SMARCD3: variants seen among roughly 807,000 people sequenced by gnomAD.
The protein encoded by SMARCD3 is SWI/SNF-related matrix-associated actin-dependent regulator of chromatin subfamily D member 3.
Under a neutral mutation model 58.0 loss-of-function variants are expected in SMARCD3, and 14 were observed. The ratio of observed to expected loss-of-function variants is 0.24; its 90% CI spans 0.16 to 0.38. SMARCD3 has a LOEUF of 0.38. Among genes scored for constraint, SMARCD3 ranks in the 10% least tolerant of loss-of-function variants. The pLI is 1.00. For synonymous variants in SMARCD3, 253 were observed against 253.8 expected (o/e 1.00, Z 0.03); for missense variants, 408 against 636.9 (o/e 0.64, Z 3.87).
chr7:151,244,488 C>CGT (rs1317697694), intron 2 of SMARCD3, among the ~76,000 whole-genome samples: 1 of 152,102 alleles, frequency 6.6e-6, no homozygotes, highest in African/African-American at 2.4e-5. Flanking sequence ...ATACTGCCCC[C>CGT]GTGTGGTGTT....
chr7:151,241,384 T>C lies in SMARCD3; in HGVS notation c.939+108A>G. The C allele has an allele frequency of 1.1e-6, 1 of 932,886 alleles. No individual in the cohort carries two copies. Among genetic ancestry groups the C allele is most frequent in the Non-Finnish European group, 1.7e-6 (1 of 586,486 alleles). 57.8% of individuals were successfully genotyped at this position (932,886 alleles called of 1,614,324 possible). A position where few individuals can be genotyped will look rare whatever the true frequency, so the allele number is the denominator to read the frequency against. On this transcript the variant is annotated intron_variant, in intron 8 of 12. Coordinates refer to ENST00000262188, the MANE Select transcript of SMARCD3 (RefSeq NM_001003801.2). The surrounding 1 kb of genome is among the most constrained non-coding windows in gnomAD (Gnocchi z 5.3). Reference sequence around the variant, plus strand: ...GACCATGACTGTGTACTGCTTCTGCTACTCAGGAATCTAGAAGGGAGGGGT... The same window carrying C: ...GACCATGACTGTGTACTGCTTCTGCCACTCAGGAATCTAGAAGGGAGGGGT...
At chr7:151,252,138 G>A (rs1191087718), upstream of SMARCD3, among the ~76,000 whole-genome samples, 2 of 152,094 alleles carry the variant, frequency 1.3e-5, no homozygotes, top group African/African-American at 4.8e-5. Context: ...CCGCAGTCCC[G>A]CCCTCCTGCC....
intron 2 of SMARCD3, among the ~76,000 whole-genome samples, chr7:151,262,341 C>CA (rs955731454): frequency 6.6e-6 from 1 of 152,182 alleles, no homozygotes; most frequent in Admixed American, 6.5e-5. Flanking sequence ...CTTGGCCACT[C>CA]AGAGTGTTGG....
chr7:151,256,597 C>T (rs1028638274), intron 2 of SMARCD3, among the ~76,000 whole-genome samples: 10 of 152,128 alleles, frequency 6.6e-5, no homozygotes, highest in African/African-American at 1.7e-4. Context: ...ATTGTGGATT[C>T]GGCACGAGCT....
chr7:151,259,614 T>TTTGTTGTTTG (rs1554490156), intron 2 of SMARCD3, among the ~76,000 whole-genome samples: 2 of 118,232 alleles, frequency 1.7e-5, no homozygotes, highest in Non-Finnish European at 3.6e-5. Context: ...TTTTTTTTTT[T>TTTGTTGTTTG]TTTTTTTTTT....
At chr7:151,274,047 C>G (rs1795258484) in intron 2 of SMARCD3, among the ~76,000 whole-genome samples, 1 of 152,286 alleles carries the variant, frequency 6.6e-6, no homozygotes, top group African/African-American at 2.4e-5. Context: ...TCCTCTGGGC[C>G]ATTTCCAATT....
chr7:151,241,691 G>A lies in SMARCD3; in HGVS notation c.778-38C>T, dbSNP rs370852806. The A allele has an allele frequency of 1.4e-5, 22 of 1,586,442 alleles. No homozygotes were observed. Among genetic ancestry groups the A allele is most frequent in the African/African-American group, 2.7e-5 (2 of 74,420 alleles). Reference sequence around the variant, plus strand: ...GACTGTGAAAGTTAGACCAAAGGGAGAGAAAGGAAGGAGCCCAGGGCCAGG... The same window carrying A: ...GACTGTGAAAGTTAGACCAAAGGGAAAGAAAGGAAGGAGCCCAGGGCCAGG... On this transcript the variant is annotated intron_variant, in intron 7 of 12. Coordinates refer to ENST00000262188, the MANE Select transcript of SMARCD3 (RefSeq NM_001003801.2). The surrounding 1 kb of genome is among the most constrained non-coding windows in gnomAD (Gnocchi z 5.3).
At chr7:151,269,883 G>A (rs1795116711) in intron 2 of SMARCD3, among the ~76,000 whole-genome samples, 1 of 152,160 alleles carries the variant, frequency 6.6e-6, no homozygotes, top group African/African-American at 2.4e-5. Context: ...TCAGAAAACT[G>A]AGTACCCCTT....
At chr7:151,275,514 C>G (rs1475824513) in intron 1 of SMARCD3, among the ~76,000 whole-genome samples, 6 of 152,160 alleles carry the variant, frequency 3.9e-5, no homozygotes, top group Non-Finnish European at 7.4e-5. Flanking sequence ...AAAGACAGAG[C>G]AGGGACCCCA....
intron 8 of SMARCD3, 84 bp from the exon 9 acceptor site, chr7:151,240,606 GC>G: frequency 1.0e-6 from 1 of 1,000,126 alleles, no homozygotes. Context: ...TTCTAGAAAG[GC>G]CACAAGAAGC....
In SMARCD3 at chr7:151,239,171, A is replaced by G. The variant is rs1802817413; in HGVS notation, c.1399-15T>C. ...CGCTGCTGGATCTTTAGAGGAAGTG[A>G]GAACAGGAGCAGGTGTCAGTGTTCT... On this transcript the variant is annotated splice_polypyrimidine_tract_variant and intron_variant, in intron 12 of 12. Transcript: ENST00000262188. This position sits in a 1 kb window ranked among gnomAD's most constrained non-coding sequence, Gnocchi z 7.0. 1.2e-6 allele frequency: 2 copies of G among 1,613,956 alleles called. No individual in the cohort carries two copies. Among genetic ancestry groups the G allele is most frequent in the Non-Finnish European group, 1.7e-6 (2 of 1,179,882 alleles).
chr7:151,258,403 A>G (rs191107082), intron 2 of SMARCD3, among the ~76,000 whole-genome samples: 1 of 152,004 alleles, frequency 6.6e-6, no homozygotes, highest in East Asian at 1.9e-4. Context: ...CGTCTCTACT[A>G]AAAATACAAA....
intron 2 of SMARCD3, among the ~76,000 whole-genome samples, chr7:151,267,433 C>T (rs1795027039): frequency 6.6e-6 from 1 of 152,236 alleles, no homozygotes; most frequent in South Asian, 2.1e-4. Context: ...GAGTCACTAT[C>T]TGACTGCTCC....
Position 151,268,908 on chromosome 7 carries a change from A to G in SMARCD3, c.39+6206T>C, listed in dbSNP as rs146986833. Reference sequence around the variant, plus strand: ...CATGAACCACTGCGACTGGCCTAAAATTCTTGAAATAGTTCTCAAAGCCCA... The same window carrying G: ...CATGAACCACTGCGACTGGCCTAAAGTTCTTGAAATAGTTCTCAAAGCCCA... On this transcript the variant is annotated intron_variant, in intron 2 of 13. Transcript: ENST00000356800. Among the ~76,000 whole-genome samples the G allele has an allele frequency of 7.7e-3, 1,175 of 152,156 alleles. 17 individuals are homozygous for G. Among genetic ancestry groups the G allele is most frequent in the African/African-American group, 0.027 (1,124 of 41,500 alleles).
intron 2 of SMARCD3, among the ~76,000 whole-genome samples, chr7:151,272,454 TCTCC>T (rs1795205314): frequency 6.6e-6 from 1 of 152,114 alleles, no homozygotes. Context: ...TGTGTCTTCC[TCTCC>T]CTCCCTTATG....
chr7:151,238,891 G>A lies in SMARCD3; in HGVS notation c.*212C>T, dbSNP rs193287414. 1,164 of 1,258,604 alleles carry A rather than the reference G, an allele frequency of 9.2e-4. No individual in the cohort carries two copies. The highest frequency in any genetic ancestry group is 1.2e-3 in the Admixed American group (60 of 48,426). The allele number at this position is 1,258,604 out of a possible 1,614,324, so 78.0% of individuals were successfully genotyped here. The stretch of plus-strand genomic sequence containing the variant: ...AGGGAAGGGAATGGGGAGTCGTCCC[G>A]AGGGACCCACTGCCTCCCCACCTTC... On this transcript the variant is annotated 3_prime_UTR_variant, in exon 13 of 13. Coordinates refer to ENST00000262188, the MANE Select transcript of SMARCD3 (RefSeq NM_001003801.2).
chr7:151,277,105 G>T (rs1033236430), upstream of SMARCD3: 17 of 150,186 alleles, frequency 1.1e-4, 1 homozygote, highest in African/African-American at 3.9e-4. Flanking sequence ...GGCCCGGAGC[G>T]CGGCCGCCCG....
rs577350231 is a variant in SMARCD3 at position 151,242,636 on chromosome 7, C to T, written c.457-33G>A. On this transcript the variant is annotated intron_variant, in intron 4 of 12. Coordinates refer to ENST00000262188, the MANE Select transcript of SMARCD3 (RefSeq NM_001003801.2). This position sits in a 1 kb window ranked among gnomAD's most constrained non-coding sequence, Gnocchi z 4.7. The stretch of plus-strand genomic sequence containing the variant: ...AATAGAGTGCAGAACCGGGCGAATG[C>T]TGTGTGCTCCCACCCCGACCACCCT... 137 of 1,611,984 alleles carry T rather than the reference C, an allele frequency of 8.5e-5. 3 individuals carry two copies. In the South Asian group the frequency reaches 1.5e-3, roughly 17 times the overall value.
In SMARCD3 at chr7:151,239,966, C is replaced by G. The variant is rs926263302; in HGVS notation, c.1173+146G>C. 5.2e-6 allele frequency: 5 copies of G among 968,052 alleles called. No individual in the cohort carries two copies. The highest frequency in any genetic ancestry group is 5.0e-5 in the African/African-American group (3 of 60,324). 60.0% of individuals were successfully genotyped at this position (968,052 alleles called of 1,614,324 possible). A position where few individuals can be genotyped will look rare whatever the true frequency, so the allele number is the denominator to read the frequency against. The stretch of plus-strand genomic sequence containing the variant: ...GCAGCATGGACGGGCCATGTGTGTC[C>G]CATTGGCCCAGAGTCTGGTCTCTTT... On this transcript the variant is annotated intron_variant, in intron 10 of 12. Transcript: ENST00000262188. The surrounding 1 kb of genome is among the most constrained non-coding windows in gnomAD (Gnocchi z 7.0).
Sources: gnomAD v4.1 joint callset for allele counts (sites outside exome capture counted in the v4.1 genomes callset) on GRCh38, gnomAD v4.1.1 for gene constraint, Gnocchi (gnomAD v3.1) non-coding constraint, MANE v1.5 for transcripts, NCBI Gene and HGNC (gene_info 2026-07-23, HGNC 2026-07-21) for gene names.